Variants in PCCA observed in about 807,000 individuals in gnomAD.
PCCA encodes propionyl-CoA carboxylase alpha chain, mitochondrial.
In PCCA, 74 loss-of-function variants were observed where a neutral mutation model predicts 101.3. That is an observed-to-expected ratio of 0.73 (90% CI 0.61 to 0.89). PCCA has a LOEUF of 0.89. PCCA is among the 40% of genes least tolerant of loss of function. The pLI is 0.00. For missense variants in PCCA, 891 were observed against 907.0 expected, an observed-to-expected ratio of 0.98 and a Z score of 0.23; for synonymous variants, 294 against 313.6, an observed-to-expected ratio of 0.94 and a Z score of 0.66.
intron 12 of PCCA, among the ~76,000 whole-genome samples, chr13:100,288,614 A>T (rs149091547): frequency 4.3e-4 from 65 of 152,332 alleles, no homozygotes; most frequent in African/African-American, 1.5e-3. Flanking sequence ...TGTAGTTTAC[A>T]CTAGGGTTGC....
rs374576645 is a variant in PCCA at position 100,330,567 on chromosome 13, C to G, written c.1436C>G (p.Thr479Arg). The change falls in exon 17 of 24, where the codon ACA (threonine) becomes AGA (arginine). Residue 479 changes from threonine (T) to arginine (R), a missense_variant. Thr to Arg is a moderately conservative substitution (Grantham distance 71). Transcript: ENST00000376285. ...GATATCATTTTACTTTTAGGTGTTACACATAATATTGCATTACTTCGAGAG... is the reference window on the plus strand; with the variant it reads ...GATATCATTTTACTTTTAGGTGTTAGACATAATATTGCATTACTTCGAGAG... ...ALDNYVIRGVTHNIALLREVI... is the reference protein window; with the variant it reads ...ALDNYVIRGVRHNIALLREVI... 1 of 1,584,962 alleles carries G rather than the reference C, an allele frequency of 6.3e-7. No homozygotes were observed. Among genetic ancestry groups the G allele is most frequent in the African/African-American group, 1.3e-5 (1 of 74,340 alleles).
chr13:100,282,849 A>G (rs2064249454), intron 12 of PCCA, among the ~76,000 whole-genome samples: 1 of 152,068 alleles, frequency 6.6e-6, no homozygotes, highest in Non-Finnish European at 1.5e-5. Flanking sequence ...GCTCACCCCC[A>G]TATCCTAGCC....
intron 6 of PCCA, among the ~76,000 whole-genome samples, chr13:100,179,316 C>A (rs1484415114): frequency 6.6e-6 from 1 of 151,902 alleles, no homozygotes; most frequent in Non-Finnish European, 1.5e-5. Flanking sequence ...TTCATGCCAC[C>A]CTTCATGCCT....
chr13:100,117,168 T>C (rs1369918693), intron 4 of PCCA, among the ~76,000 whole-genome samples: 1 of 152,200 alleles, frequency 6.6e-6, no homozygotes, highest in Non-Finnish European at 1.5e-5. Context: ...AGTATGTCAT[T>C]GTGTTTTTAA....
chr13:100,491,047 A>T (rs912001352), intron 21 of PCCA: 1 of 152,270 alleles, frequency 6.6e-6, no homozygotes, highest in African/African-American at 2.4e-5. Flanking sequence ...ATTTGTAAAA[A>T]GTTCCTGAAT....
chr13:100,500,551 A>T (rs1284312516), intron 21 of PCCA, among the ~76,000 whole-genome samples: 1 of 152,240 alleles, frequency 6.6e-6, no homozygotes, highest in East Asian at 1.9e-4. Flanking sequence ...GGCTGGTTTC[A>T]GCTCATCTGA....
chr13:100,337,956 C>T (rs2070750052), intron 17 of PCCA, among the ~76,000 whole-genome samples: 1 of 152,226 alleles, frequency 6.6e-6, no homozygotes, highest in Non-Finnish European at 1.5e-5. Flanking sequence ...AATTTGTCTT[C>T]CTGCACATGA....
rs138149179 is a variant in PCCA at position 100,273,218 on chromosome 13, C to T, written c.937C>T (p.Arg313Ter). The change falls in exon 12 of 24, where the codon CGA becomes TGA. Residue 313 changes from arginine to a stop codon, truncating the protein, a stop_gained. Coordinates refer to ENST00000376285, the MANE Select transcript of PCCA (RefSeq NM_000282.4). LOFTEE classifies it high-confidence loss of function. The stretch of plus-strand genomic sequence containing the variant: ...TAGCATTTTTTTGGATGCGGAGACT[C>T]GAAGAGCGATGGGAGAACAAGCTGT... ...APSIFLDAET[R>*]RAMGEQAVAL... The T allele has an allele frequency of 2.5e-5, 40 of 1,613,104 alleles. No individual in the cohort carries two copies. In the South Asian group the frequency reaches 3.2e-4, roughly 13 times the overall value.
intron 13 of PCCA, 138 bp downstream of exon 13, chr13:100,301,741 A>T: frequency 9.8e-7 from 1 of 1,022,618 alleles, no homozygotes. Flanking sequence ...ATTAAATCAG[A>T]AAAAAATTAG....
intron 9 of PCCA, among the ~76,000 whole-genome samples, chr13:100,261,374 TC>T (rs1566816330): frequency 1.3e-5 from 2 of 151,896 alleles, no homozygotes; most frequent in African/African-American, 4.8e-5. Flanking sequence ...TTTTTTCTTT[TC>T]TTTTTTTTTT....
chr13:100,152,655 C>T (rs918306914), intron 4 of PCCA, among the ~76,000 whole-genome samples: 2 of 152,024 alleles, frequency 1.3e-5, no homozygotes, highest in African/African-American at 2.4e-5. Context: ...ACCATGTTAG[C>T]CAGGATGGTC....
chr13:100,497,336 T>TA (rs2085346297), intron 21 of PCCA, among the ~76,000 whole-genome samples: 1 of 152,128 alleles, frequency 6.6e-6, no homozygotes, highest in African/African-American at 2.4e-5. Flanking sequence ...CAAATAAAAC[T>TA]AAAAAGTCAC....
chr13:100,348,727 C>CCTTTTTTTCTTT (rs1566975430), intron 18 of PCCA, among the ~76,000 whole-genome samples: 7 of 99,518 alleles, frequency 7.0e-5, no homozygotes, highest in East Asian at 2.8e-4. Context: ...CGTTTTTTTT[C>CCTTTTTTTCTTT]CTTTCTTTCT....
chr13:100,336,493 A>G (rs943818141), intron 17 of PCCA, among the ~76,000 whole-genome samples: 2 of 152,286 alleles, frequency 1.3e-5, no homozygotes, highest in South Asian at 4.1e-4. Context: ...AACTCCAGTA[A>G]TTAGTGGCTT....
chr13:100,195,625 C>A (rs1490443562), intron 6 of PCCA, among the ~76,000 whole-genome samples: 1 of 152,062 alleles, frequency 6.6e-6, no homozygotes, highest in Non-Finnish European at 1.5e-5. Flanking sequence ...GTCAGTGCAA[C>A]CAGTCTAAGG....
chr13:100,199,523 T>C lies in PCCA; in HGVS notation c.469-9809T>C, dbSNP rs187854825. On this transcript the variant is annotated intron_variant, in intron 6 of 23. Coordinates refer to ENST00000376285, the MANE Select transcript of PCCA (RefSeq NM_000282.4). ...ATGGCGATGCTATAGCTCAGTGGTT[T>C]CCCCCATTCTTGGTGTTTCCTACAA... Among the ~76,000 whole-genome samples, 777 of 152,284 alleles carry C rather than the reference T, an allele frequency of 5.1e-3. 9 individuals are homozygous for C. The highest frequency in any genetic ancestry group is 0.018 in the African/African-American group (743 of 41,562).
At chr13:100,523,020 T>C (rs1460030475) in intron 22 of PCCA, among the ~76,000 whole-genome samples, 1 of 152,236 alleles carries the variant, frequency 6.6e-6, no homozygotes, top group Admixed American at 6.5e-5. Flanking sequence ...GTGGTCTTTT[T>C]TCCCCCGTTC....
chr13:100,454,609 G>A (rs550514773), intron 21 of PCCA, among the ~76,000 whole-genome samples: 2 of 152,300 alleles, frequency 1.3e-5, no homozygotes, highest in African/African-American at 4.8e-5. Context: ...TGCTTTCCAG[G>A]TATAGATTTG....
rs376383389 is a variant in PCCA, at chr13:100,377,254, T to C, written c.1746+8680T>C. 1.1e-3 allele frequency among the ~76,000 whole-genome samples: 164 copies of C among 152,310 alleles called. 6 individuals carry two copies. The South Asian group carries it at 0.031, about 29-fold the overall frequency. On this transcript the variant is annotated intron_variant, in intron 19 of 23. Transcript: ENST00000376285. The stretch of plus-strand genomic sequence containing the variant: ...GCTACAGACCGGAGCTGTTCCTGTT[T>C]GGCCATCTTGCCAGCCACTTGAGAA...
Sources: gnomAD v4.1 joint callset for allele counts (sites outside exome capture counted in the v4.1 genomes callset) on GRCh38, gnomAD v4.1.1 for gene constraint, MANE v1.5 for transcripts, NCBI Gene and HGNC (gene_info 2026-07-23, HGNC 2026-07-21) for gene names.